Variants in PRR16 observed in about 807,000 individuals in gnomAD.
The protein encoded by PRR16 is protein Largen.
Under a neutral mutation model 18.2 loss-of-function variants are expected in PRR16, and 6 were observed. The observed-to-expected ratio is 0.33, with a 90% CI of 0.18 to 0.65. The LOEUF (loss-of-function observed/expected upper bound fraction) is 0.65, where lower values mean the gene tolerates loss of function less well. PRR16 is among the 30% of genes least tolerant of loss of function. The pLI, the probability that PRR16 is intolerant of heterozygous loss-of-function variation, is 0.74. For synonymous variants in PRR16, 151 were observed against 147.8 expected, an observed-to-expected ratio of 1.02 and a Z score of -0.16; for missense variants, 412 against 376.6, an observed-to-expected ratio of 1.09 and a Z score of -0.78.
At chr5:120,742,851 T>G in the PRR16 span, among the ~76,000 whole-genome samples, 1 of 152,206 alleles carries the variant, frequency 6.6e-6, no homozygotes, top group African/African-American at 2.4e-5. Flanking sequence ...TCCATTTTCT[T>G]GCCCTTTTCA....
Position 120,677,905 on chromosome 5 carries a change from C to CAT in PRR16, c.160-8049_160-8048insAT, listed in dbSNP as rs1756851035. On this transcript the variant is annotated intron_variant, in intron 1 of 1. Coordinates refer to ENST00000407149, the MANE Select transcript of PRR16 (RefSeq NM_001300783.2). ...ACTAAACTGCTTTTTCTTTTTCTTT[C>CAT]TTTTTTTTTTTTTTTTTTTTTTGAG... is the stretch of plus-strand genomic sequence containing the variant. Among the ~76,000 whole-genome samples the CAT allele has an allele frequency of 5.4e-5, 5 of 93,218 alleles. No homozygotes were observed. The Admixed American group carries it at 7.4e-4, about 14-fold the overall frequency. The allele number at this position is 93,218 out of a possible 152,430, so 61.2% of individuals were successfully genotyped here. A position where few individuals can be genotyped will look rare whatever the true frequency, so the allele number is the denominator to read the frequency against.
rs1162096311 is a variant in PRR16 at position 120,574,848 on chromosome 5, A to T, written c.159+110203A>T. 2.7e-5 allele frequency among the ~76,000 whole-genome samples: 4 copies of T among 148,950 alleles called. 2 individuals are homozygous for T. The highest frequency in any genetic ancestry group is 1.0e-4 in the African/African-American group (4 of 38,354). On this transcript the variant is annotated intron_variant, in intron 1 of 1. Transcript: ENST00000407149. ...TTGACAACTGTTCGAGAGTGTACTA[A>T]AGCTGAAAACAATGCAAACATTAAA...
chr5:120,635,451 G>A (rs1726821082), intron 1 of PRR16, among the ~76,000 whole-genome samples: 1 of 151,924 alleles, frequency 6.6e-6, no homozygotes, highest in South Asian at 2.1e-4. Flanking sequence ...AGGGATGCAG[G>A]GATGGTTTAA....
intron 1 of PRR16, among the ~76,000 whole-genome samples, chr5:120,681,041 T>C (rs2150153729): frequency 6.6e-6 from 1 of 152,304 alleles, no homozygotes; most frequent in African/African-American, 2.4e-5. Context: ...TGCCTGATAA[T>C]ATCTTATTTC....
rs544715360 is a variant in PRR16, at chr5:120,649,956, C to T, written c.160-35998C>T. On this transcript the variant is annotated intron_variant, in intron 1 of 1. Transcript: ENST00000407149. Reference sequence around the variant, plus strand: ...TATAGTGTATATTTTTGGACATTTTCTTCAGAAAATCAGAAACTAGTGGGA... The same window carrying T: ...TATAGTGTATATTTTTGGACATTTTTTTCAGAAAATCAGAAACTAGTGGGA... 2.6e-5 allele frequency among the ~76,000 whole-genome samples: 4 copies of T among 151,996 alleles called. No homozygotes were observed. The South Asian group carries it at 6.2e-4, about 24-fold the overall frequency.
the PRR16 span, among the ~76,000 whole-genome samples, chr5:120,762,176 G>A: frequency 6.6e-6 from 1 of 152,086 alleles, no homozygotes; most frequent in East Asian, 1.9e-4. Flanking sequence ...TAATAAGCAT[G>A]GTGGAGGGCA....
At chr5:120,606,159 A>T (rs1218581278) in intron 1 of PRR16, among the ~76,000 whole-genome samples, 2 of 152,120 alleles carry the variant, frequency 1.3e-5, no homozygotes, top group Non-Finnish European at 2.9e-5. Context: ...GAAACTTCAG[A>T]GTTGTTAAGT....
intron 1 of PRR16, among the ~76,000 whole-genome samples, chr5:120,554,202 G>T (rs1245842829): frequency 6.6e-6 from 1 of 151,788 alleles, no homozygotes; most frequent in Non-Finnish European, 1.5e-5. Context: ...ACCTTGGGAG[G>T]ATATTTGCCA....
intron 1 of PRR16, among the ~76,000 whole-genome samples, chr5:120,518,038 G>C (rs999974155): frequency 5.9e-5 from 9 of 152,158 alleles, no homozygotes; most frequent in Admixed American, 5.9e-4. Context: ...ACAGGATCTG[G>C]TGTTAAATTG....
intron 1 of PRR16, among the ~76,000 whole-genome samples, chr5:120,679,408 G>A (rs557379932): frequency 6.6e-6 from 1 of 152,050 alleles, no homozygotes; most frequent in East Asian, 1.9e-4. Context: ...TATCATGCCT[G>A]TGGTTACTAT....
chr5:120,677,244 C>A (rs1422870512), intron 1 of PRR16, among the ~76,000 whole-genome samples: 1 of 152,120 alleles, frequency 6.6e-6, no homozygotes, highest in Non-Finnish European at 1.5e-5. Context: ...ACTATGAACT[C>A]AGGGCAAAGT....
the PRR16 span, among the ~76,000 whole-genome samples, chr5:120,770,836 A>G: frequency 2.0e-5 from 3 of 151,870 alleles, 1 homozygote; most frequent in South Asian, 6.2e-4. Flanking sequence ...AACAAAATTG[A>G]GATATCATCA....
At chr5:120,738,079 T>C in the PRR16 span, among the ~76,000 whole-genome samples, 1 of 151,722 alleles carries the variant, frequency 6.6e-6, no homozygotes, top group Non-Finnish European at 1.5e-5. Flanking sequence ...AGCAACTAGG[T>C]ATTAGAGTAG....
chr5:120,599,637 A>G (rs148405540), intron 1 of PRR16, among the ~76,000 whole-genome samples: 1 of 151,934 alleles, frequency 6.6e-6, no homozygotes, highest in African/African-American at 2.4e-5. Flanking sequence ...TGTTGCCTAG[A>G]TTAGCATTCA....
intron 1 of PRR16, among the ~76,000 whole-genome samples, chr5:120,533,576 A>G (rs1751619422): frequency 6.6e-6 from 1 of 152,180 alleles, no homozygotes; most frequent in Non-Finnish European, 1.5e-5. Flanking sequence ...GGAGTTGGCC[A>G]TGTGACTATC....
rs1328646062 is a variant in PRR16 at position 120,686,902 on chromosome 5, A to G, written c.*193A>G. ...GGGTATGCATTATTTTAAATGTTGT[A>G]TCATTAAAAACCTCAGAATGATGAA... On this transcript the variant is annotated 3_prime_UTR_variant, in exon 2 of 2. Transcript: ENST00000407149. 4.9e-6 allele frequency: 2 copies of G among 408,912 alleles called. No homozygotes were observed. Among genetic ancestry groups the G allele is most frequent in the African/African-American group, 2.1e-5 (1 of 48,680 alleles). The allele number at this position is 408,912 out of a possible 1,614,324, so 25.3% of individuals were successfully genotyped here. A position where few individuals can be genotyped will look rare whatever the true frequency, so the allele number is the denominator to read the frequency against.
intron 1 of PRR16, among the ~76,000 whole-genome samples, chr5:120,670,581 A>C (rs997494059): frequency 2.0e-5 from 3 of 152,156 alleles, no homozygotes; most frequent in African/African-American, 7.2e-5. Flanking sequence ...TGGATGATTA[A>C]ATCAGTCAGG....
At chr5:120,675,577 G>C (rs1004986187) in intron 1 of PRR16, among the ~76,000 whole-genome samples, 10 of 152,010 alleles carry the variant, frequency 6.6e-5, no homozygotes, top group African/African-American at 1.9e-4. Flanking sequence ...TAAAATATCT[G>C]ATTAGATTTC....
At chr5:120,518,754 G>A (rs1378262) in intron 1 of PRR16, among the ~76,000 whole-genome samples, 42,842 of 151,802 alleles carry the variant, frequency 0.28, 6,851 homozygotes, top group African/African-American at 0.43. Context: ...GTGTGTAATT[G>A]CTACACTTTG....
Sources: allele counts gnomAD v4.1 joint callset (sites outside exome capture counted in the v4.1 genomes callset), GRCh38; gene constraint gnomAD v4.1.1; transcripts MANE v1.5; gene names NCBI Gene and HGNC (gene_info 2026-07-23, HGNC 2026-07-21).